GMDS: variants seen among roughly 807,000 people sequenced by gnomAD.
The protein encoded by GMDS is GDP-mannose 4,6-dehydratase.
Under a neutral mutation model 49.9 loss-of-function variants are expected in GMDS, and 20 were observed. The observed-to-expected ratio is 0.40, with a 90% CI of 0.28 to 0.58. GMDS has a LOEUF of 0.58. Among genes scored for constraint, GMDS ranks in the 20% least tolerant of loss-of-function variants. The pLI is 0.42. For synonymous variants in GMDS, 177 were observed against 178.6 expected (o/e 0.99, Z 0.07); for missense variants, 362 against 481.4 (o/e 0.75, Z 2.32).
intron 7 of GMDS, among the ~76,000 whole-genome samples, chr6:1,854,937 T>C (rs563401319): frequency 1.3e-5 from 2 of 152,328 alleles, no homozygotes; most frequent in African/African-American, 2.4e-5. Flanking sequence ...TATTAACTGA[T>C]GGTTATTTTT....
At chr6:1,674,340 G>C (rs1204956647) in intron 9 of GMDS, among the ~76,000 whole-genome samples, 1 of 151,966 alleles carries the variant, frequency 6.6e-6, no homozygotes, top group African/African-American at 2.4e-5. Flanking sequence ...GTGTCTATTA[G>C]CTCATTTTTA....
At chr6:1,663,013 T>C (rs1764128598) in intron 9 of GMDS, among the ~76,000 whole-genome samples, 1 of 152,242 alleles carries the variant, frequency 6.6e-6, no homozygotes, top group South Asian at 2.1e-4. Flanking sequence ...CCTTTCTGGA[T>C]ATCGTAAGGG....
At chr6:1,708,651 T>C (rs1765829848) in intron 9 of GMDS, among the ~76,000 whole-genome samples, 1 of 152,244 alleles carries the variant, frequency 6.6e-6, no homozygotes, top group Non-Finnish European at 1.5e-5. Context: ...AGAATATTCC[T>C]TTTGAATTAA....
intron 1 of GMDS, among the ~76,000 whole-genome samples, chr6:2,210,330 T>A (rs9501817): frequency 0.15 from 23,178 of 152,184 alleles, 2,261 homozygotes; most frequent in East Asian, 0.42. Flanking sequence ...CATAAAATAC[T>A]TAGAACACTT....
intron 4 of GMDS, among the ~76,000 whole-genome samples, chr6:1,999,903 A>ATCTTTTTT (rs1581491126): frequency 2.0e-4 from 20 of 100,444 alleles, no homozygotes; most frequent in East Asian, 1.4e-3. Flanking sequence ...CGATATATAT[A>ATCTTTTTT]ATATATATAT....
chr6:2,012,072 T>C (rs112158239), intron 4 of GMDS, among the ~76,000 whole-genome samples: 1 of 152,006 alleles, frequency 6.6e-6, no homozygotes, highest in South Asian at 2.1e-4. Context: ...TGTGTACACA[T>C]GGACATAGAG....
chr6:1,852,682 G>C (rs542055357), intron 7 of GMDS, among the ~76,000 whole-genome samples: 24 of 151,654 alleles, frequency 1.6e-4, no homozygotes, highest in African/African-American at 5.8e-4. Context: ...CCCTGGCAAT[G>C]GTGGAAGGAC....
intron 4 of GMDS, among the ~76,000 whole-genome samples, chr6:1,966,383 A>AC (rs1764260160): frequency 6.6e-6 from 1 of 151,580 alleles, no homozygotes; most frequent in South Asian, 2.1e-4. Context: ...AAAAAAAAAA[A>AC]AAACCAAGCC....
At chr6:1,724,102 A>G (rs1766488603) in intron 9 of GMDS, among the ~76,000 whole-genome samples, 1 of 152,210 alleles carries the variant, frequency 6.6e-6, no homozygotes, top group African/African-American at 2.4e-5. Context: ...ACCCAGTGGA[A>G]TATTAGGTTG....
chr6:1,904,472 C>G (rs1760656163), intron 7 of GMDS, among the ~76,000 whole-genome samples: 1 of 152,178 alleles, frequency 6.6e-6, no homozygotes, highest in South Asian at 2.1e-4. Flanking sequence ...TTCCTTTTTG[C>G]AGGCAGACAG....
At chr6:1,696,713 C>G (rs1765355306) in intron 9 of GMDS, among the ~76,000 whole-genome samples, 1 of 152,216 alleles carries the variant, frequency 6.6e-6, no homozygotes, top group Non-Finnish European at 1.5e-5. Context: ...GAGCCGGTAT[C>G]TGGAAGAAGC....
At chr6:2,171,929 T>G (rs530614028) in intron 1 of GMDS, among the ~76,000 whole-genome samples, 2 of 152,242 alleles carry the variant, frequency 1.3e-5, no homozygotes, top group African/African-American at 4.8e-5. Flanking sequence ...GGGGCTAAAC[T>G]GACGCAATAA....
intron 4 of GMDS, among the ~76,000 whole-genome samples, chr6:2,100,865 A>C (rs964924728): frequency 6.6e-6 from 1 of 152,070 alleles, no homozygotes; most frequent in East Asian, 1.9e-4. Context: ...GTTGTTTTAC[A>C]TATAGAAATG....
intron 7 of GMDS, among the ~76,000 whole-genome samples, chr6:1,818,794 G>T (rs1406012054): frequency 6.6e-6 from 1 of 151,844 alleles, no homozygotes; most frequent in Admixed American, 6.6e-5. Flanking sequence ...GGTTGATTTT[G>T]TATTTCTGAT....
chr6:2,128,753 T>C (rs1042277401), intron 1 of GMDS, among the ~76,000 whole-genome samples: 3 of 152,238 alleles, frequency 2.0e-5, no homozygotes, highest in African/African-American at 4.8e-5. Flanking sequence ...GGGTATTTTA[T>C]GGATGAAACA....
At chr6:1,655,521 A>AC (rs1561703883) in intron 9 of GMDS, among the ~76,000 whole-genome samples, 3 of 144,594 alleles carry the variant, frequency 2.1e-5, no homozygotes, top group East Asian at 4.1e-4. Context: ...ACACACACAT[A>AC]TTTTTTTTTT....
At chr6:1,960,418 A>G (rs937144109) in intron 5 of GMDS, among the ~76,000 whole-genome samples, 1 of 144,360 alleles carries the variant, frequency 6.9e-6, no homozygotes, top group Admixed American at 6.9e-5. Flanking sequence ...CATGGAAAAT[A>G]AAAAAAAACA....
At chr6:2,222,102 G>T (rs3800188) in intron 1 of GMDS, among the ~76,000 whole-genome samples, 20 of 152,328 alleles carry the variant, frequency 1.3e-4, no homozygotes, top group African/African-American at 4.8e-4. Flanking sequence ...AGCTGGAAGC[G>T]ACTAGTATGC....
At chr6:2,112,178 C>T (rs1011316678) in intron 4 of GMDS, among the ~76,000 whole-genome samples, 2 of 152,190 alleles carry the variant, frequency 1.3e-5, no homozygotes, top group Non-Finnish European at 2.9e-5. Context: ...AGACTATGTA[C>T]AATTCAGAAA....
Sources: gnomAD v4.1 joint callset for allele counts (sites outside exome capture counted in the v4.1 genomes callset) on GRCh38, gnomAD v4.1.1 for gene constraint, MANE v1.5 for transcripts, NCBI Gene and HGNC (gene_info 2026-07-23, HGNC 2026-07-21) for gene names.